Variants in SPG11 observed in about 807,000 individuals in gnomAD.
The protein encoded by SPG11 is spatacsin.
In SPG11, 222 loss-of-function variants were observed where a neutral mutation model predicts 274.0. The observed-to-expected ratio is 0.81, with a 90% CI of 0.73 to 0.91. The LOEUF (loss-of-function observed/expected upper bound fraction) is 0.91. Ranked by LOEUF, SPG11 falls within the 40% of genes least tolerant of loss-of-function variation. SPG11 has a pLI of 0.00. For synonymous variants in SPG11, 1,144 were observed against 1,039.7 expected (o/e 1.10, Z -1.93); for missense variants, 3,114 against 2,872.7 (o/e 1.08, Z -1.92).
chr15:44,642,024 T>C (rs1486092419), intron 7 of SPG11, among the ~76,000 whole-genome samples: 1 of 151,160 alleles, frequency 6.6e-6, no homozygotes, highest in African/African-American at 2.4e-5. Context: ...ACTATAGTTA[T>C]ATACATTAAA....
rs556572183 is a variant in SPG11, at chr15:44,641,288, T to C, written c.1602+7578A>G. Reference sequence around the variant, plus strand: ...AAAAAAAATTCATAATTGAAAAACTTTTAGGAAAAAACAGAAACTATATAA... The same window carrying C: ...AAAAAAAATTCATAATTGAAAAACTCTTAGGAAAAAACAGAAACTATATAA... On this transcript the variant is annotated intron_variant, in intron 7 of 39. Transcript: ENST00000261866. Among the ~76,000 whole-genome samples the C allele has an allele frequency of 5.9e-5, 9 of 151,990 alleles. No individual in the cohort carries two copies. The East Asian group carries it at 1.7e-3, about 29-fold the overall frequency.
In SPG11 at chr15:44,616,009, C is replaced by A. The variant is rs568787849; in HGVS notation, c.2835-443G>T. 5.3e-5 allele frequency among the ~76,000 whole-genome samples: 8 copies of A among 152,178 alleles called. No individual in the cohort carries two copies. The East Asian group carries it at 1.5e-3, about 29-fold the overall frequency. On this transcript the variant is annotated intron_variant, in intron 15 of 39. Coordinates refer to ENST00000261866, the MANE Select transcript of SPG11 (RefSeq NM_025137.4). ...ATCTGCATGTAAATATTACTTTTTA[C>A]AAAGTTACTGTTACATCATATATAC...
At chr15:44,644,124 G>A (rs547116091) in intron 7 of SPG11, among the ~76,000 whole-genome samples, 12 of 148,942 alleles carry the variant, frequency 8.1e-5, no homozygotes, top group East Asian at 4.0e-4. Context: ...CCGAGATCGC[G>A]CCACTGCACT....
chr15:44,663,598 C>T lies in SPG11; in HGVS notation c.50G>A (p.Trp17Ter), dbSNP rs1339135039. Residue 17 changes from tryptophan to a stop codon, truncating the protein, a stop_gained, in exon 1 of 40, where the codon TGG (tryptophan) becomes TAG (stop). Coordinates refer to ENST00000261866, the MANE Select transcript of SPG11 (RefSeq NM_025137.4). LOFTEE classifies it high-confidence loss of function. ...VASAASAGGSWGTAAMGRVLP... is the reference protein window; with the variant it reads ...VASAASAGGS ...AACCCGCCCCATGGCCGCGGTGCCC[C>T]AGCTACCGCCGGCGGAAGCAGCACT... 2.5e-6 allele frequency: 4 copies of T among 1,596,450 alleles called. No homozygotes were observed. Among genetic ancestry groups the T allele is most frequent in the Admixed American group, 3.4e-5 (2 of 58,702 alleles).
chr15:44,643,063 T>C (rs1460514759), intron 7 of SPG11, among the ~76,000 whole-genome samples: 4 of 152,168 alleles, frequency 2.6e-5, no homozygotes, highest in Admixed American at 2.6e-4. Flanking sequence ...CATTCATTTT[T>C]ATGTAGGAGG....
At chr15:44,643,821 A>G (rs1277331404) in intron 7 of SPG11, among the ~76,000 whole-genome samples, 1 of 152,084 alleles carries the variant, frequency 6.6e-6, no homozygotes, top group African/African-American at 2.4e-5. Context: ...CCTGGCAGAG[A>G]CGCAATGAAA....
chr15:44,613,191 G>A (rs975936998), intron 17 of SPG11, among the ~76,000 whole-genome samples: 6 of 152,218 alleles, frequency 3.9e-5, no homozygotes, highest in African/African-American at 1.4e-4. Context: ...ACGATGCTAA[G>A]GGGAAGGGGA....
At chr15:44,606,629 G>A (rs57488532) in intron 19 of SPG11, among the ~76,000 whole-genome samples, 6,970 of 152,210 alleles carry the variant, frequency 0.046, 411 homozygotes, top group African/African-American at 0.12. Flanking sequence ...GTGGTTGTTT[G>A]GAATTTTTCT....
chr15:44,613,596 C>T, intron 16 of SPG11, 60 bp from the exon 17 acceptor site: 1 of 1,138,028 alleles, frequency 8.8e-7, no homozygotes, highest in Admixed American at 1.8e-5. Context: ...ACAATTACAA[C>T]CATTTTGCTC....
intron 28 of SPG11, 58 bp downstream of exon 28, chr15:44,589,194 T>C: frequency 1.3e-6 from 2 of 1,582,746 alleles, no homozygotes; most frequent in South Asian, 1.1e-5. Flanking sequence ...TCTAAAGTAT[T>C]TTCAAGATTA....
chr15:44,596,862 G>A lies in SPG11; in HGVS notation c.4083C>T (p.Tyr1361=), dbSNP rs764880157. ...CATTTGCTTTGGCACATTCTCTAAG[G>A]TAAGATATGCTTAGTTTCATATTGT... The part of the protein sequence containing the change: ...RLHNMKLSIS[Y]LRECAKANDW... Residue 1361 remains tyrosine, a synonymous_variant, in exon 24 of 40, where the codon TAC becomes TAT. Coordinates refer to ENST00000261866, the MANE Select transcript of SPG11 (RefSeq NM_025137.4). 1 of 1,613,874 alleles carries A rather than the reference G, an allele frequency of 6.2e-7. No individual in the cohort carries two copies.
At position 44,574,960 on chromosome 15, in the gene SPG11, T is replaced by G. The variant is rs528018764; in HGVS notation, c.5948A>C (p.Lys1983Thr). 6.2e-7 allele frequency: 1 copy of G among 1,614,158 alleles called. No homozygotes were observed. The highest frequency in any genetic ancestry group is 1.3e-5 in the African/African-American group (1 of 75,054). Residue 1983 changes from lysine to threonine, a missense_variant, in exon 31 of 40, where the codon AAA becomes ACA. Lys to Thr is a moderately conservative substitution (Grantham distance 78). Coordinates refer to ENST00000261866, the MANE Select transcript of SPG11 (RefSeq NM_025137.4). ...VVTNLEVLTSKCLHGKNYCRQ... is the reference protein window; with the variant it reads ...VVTNLEVLTSTCLHGKNYCRQ... ...ACAGTAGTTCTTCCCATGGAGGCAT[T>G]TGCTTGTCAGCACTTCCAGGTTAGT...
intron 30 of SPG11, among the ~76,000 whole-genome samples, chr15:44,583,339 T>G (rs1391095656): frequency 6.6e-6 from 1 of 152,054 alleles, no homozygotes; most frequent in African/African-American, 2.4e-5. Flanking sequence ...TAGCCAGTAA[T>G]CCCAGCTACT....
intron 7 of SPG11, among the ~76,000 whole-genome samples, chr15:44,647,022 C>T (rs1208399054): frequency 1.3e-5 from 2 of 152,010 alleles, no homozygotes; most frequent in African/African-American, 4.8e-5. Context: ...ACCCAAAGAA[C>T]GGGAGAAAGT....
chr15:44,628,594 T>C, intron 10 of SPG11, 75 bp downstream of exon 10: 1 of 1,346,260 alleles, frequency 7.4e-7, no homozygotes, highest in Non-Finnish European at 1.1e-6. Context: ...AGAGTCTGAA[T>C]TCTGTTTCTT....
At chr15:44,635,130 C>T (rs1287641650) in intron 7 of SPG11, among the ~76,000 whole-genome samples, 3 of 151,926 alleles carry the variant, frequency 2.0e-5, no homozygotes, top group Non-Finnish European at 4.4e-5. Flanking sequence ...GCAGGAGAAT[C>T]GCTGGAACCC....
At chr15:44,577,135 A>G (rs925047823) in intron 30 of SPG11, among the ~76,000 whole-genome samples, 1 of 152,078 alleles carries the variant, frequency 6.6e-6, no homozygotes. Context: ...GTCTGAACTG[A>G]CTTTTTACTT....
chr15:44,655,396 C>G (rs768390990), intron 4 of SPG11, among the ~76,000 whole-genome samples: 2 of 152,140 alleles, frequency 1.3e-5, no homozygotes, highest in Non-Finnish European at 2.9e-5. Flanking sequence ...GAAGTGCTCC[C>G]AAGTAGAGAA....
intron 16 of SPG11, among the ~76,000 whole-genome samples, chr15:44,614,710 G>A (rs888709123): frequency 2.0e-5 from 3 of 152,302 alleles, no homozygotes; most frequent in Middle Eastern, 3.4e-3. Flanking sequence ...GGACATGGGA[G>A]TAACTACCCC....
Sources: gnomAD v4.1 joint callset for allele counts (sites outside exome capture counted in the v4.1 genomes callset) on GRCh38, gnomAD v4.1.1 for gene constraint, MANE v1.5 for transcripts, NCBI Gene and HGNC (gene_info 2026-07-23, HGNC 2026-07-21) for gene names.